Variants in PROM2 observed in about 807,000 individuals in gnomAD.
PROM2 encodes prominin-2.
Under a neutral mutation model 110.2 loss-of-function variants are expected in PROM2, and 90 were observed. The observed-to-expected ratio is 0.82, with a 90% confidence interval of 0.69 to 0.97. The LOEUF is 0.97. Ranked by LOEUF, PROM2 falls within the 50% of genes least tolerant of loss-of-function variation. The pLI is 0.00. For synonymous variants in PROM2, 470 were observed against 467.8 expected (o/e 1.00, Z -0.06); for missense variants, 1,009 against 1,074.8 (o/e 0.94, Z 0.86).
chr2:95,279,301 ATTT>A (rs1171088514), intron 10 of PROM2, among the ~76,000 whole-genome samples, 157 bp downstream of exon 10: 1 of 135,802 alleles, frequency 7.4e-6, no homozygotes. Flanking sequence ...TGTTTTTTTC[ATTT>A]TTTTTTTTTT....
chr2:95,287,146 A>T lies in PROM2; in HGVS notation c.2108A>T (p.Asp703Val). The change falls in exon 19 of 24, where the codon GAT becomes GTT. Residue 703 changes from aspartate (D) to valine (V), a missense_variant. Transcript: ENST00000317620. Reference protein sequence around the residue: ...SAPNLQLETSDVLANVTYLKG... With the variant: ...SAPNLQLETSVVLANVTYLKG... ...CGTCCCCTCCAGCTGGAGACCTCAG[A>T]TGTCCTAGCCAATGTCACCTACCTG... 1.2e-6 allele frequency: 2 copies of T among 1,613,932 alleles called. No homozygotes were observed. The highest frequency in any genetic ancestry group is 1.7e-6 in the Non-Finnish European group (2 of 1,179,974).
Position 95,282,139 on chromosome 2 carries a change from C to G in PROM2, c.1644-3C>G. ...ATCGTCTGCACCCCTCACTCCTCCT[C>G]AGGCAGTGCAAGGAAGGGGCAGCGC... On this transcript the variant is annotated splice_polypyrimidine_tract_variant and splice_region_variant and intron_variant, in intron 13 of 23. Coordinates refer to ENST00000317620, the MANE Select transcript of PROM2 (RefSeq NM_001165978.3). 1 of 1,613,758 alleles carries G rather than the reference C, an allele frequency of 6.2e-7. No individual in the cohort carries two copies. The highest frequency in any genetic ancestry group is 2.2e-5 in the East Asian group (1 of 44,858).
chr2:95,277,886 G>A (rs1472167579), intron 7 of PROM2, 44 bp from the exon 8 acceptor site: 1 of 1,548,864 alleles, frequency 6.5e-7, no homozygotes, highest in East Asian at 2.3e-5. Context: ...TCCCCTTCAG[G>A]CCTCTCCATG....
intron 13 of PROM2, 35 bp downstream of exon 13, chr2:95,282,051 G>A (rs146005634): frequency 6.2e-7 from 1 of 1,611,856 alleles, no homozygotes; most frequent in African/African-American, 1.3e-5. Context: ...TGGGACCGGG[G>A]AAGGAAGGAG....
intron 6 of PROM2, 49 bp downstream of exon 6, chr2:95,277,110 C>T (rs986168782): frequency 3.4e-6 from 5 of 1,491,068 alleles, no homozygotes; most frequent in Non-Finnish European, 4.5e-6. Flanking sequence ...CGGGTGTCCT[C>T]CTGGGGCGAT....
rs1453688923 is a variant in PROM2 at position 95,284,864 on chromosome 2, A to C, written c.1729-105A>C. ...TGCAACATGAAATTTGGAGGGGACAAATATCCAAACCATATCGCCTGGTGA... is the reference window on the plus strand; with the variant it reads ...TGCAACATGAAATTTGGAGGGGACACATATCCAAACCATATCGCCTGGTGA... On this transcript the variant is annotated intron_variant, in intron 14 of 23. Transcript: ENST00000317620. 27 of 1,294,128 alleles carry C rather than the reference A, an allele frequency of 2.1e-5. No homozygotes were observed. The South Asian group carries it at 3.7e-4, about 18-fold the overall frequency. 80.2% of individuals were successfully genotyped at this position (1,294,128 alleles called of 1,614,324 possible).
chr2:95,281,182 G>T, intron 11 of PROM2, 60 bp from the exon 12 acceptor site: 1 of 1,587,748 alleles, frequency 6.3e-7, no homozygotes, highest in Non-Finnish European at 8.5e-7. Flanking sequence ...GTGGGACAGA[G>T]GGTATGGTCA....
At chr2:95,278,906 T>A in intron 9 of PROM2, 79 bp from the exon 10 acceptor site, 2 of 1,602,396 alleles carry the variant, frequency 1.2e-6, no homozygotes, top group Non-Finnish European at 8.5e-7. Context: ...GGTTCCCAGA[T>A]GTTCTTCCTG....
intron 17 of PROM2, 81 bp from the exon 18 acceptor site, chr2:95,286,723 C>T (rs892112936): frequency 8.9e-6 from 8 of 893,862 alleles, no homozygotes; most frequent in Non-Finnish European, 1.4e-5. Context: ...CCCCTCCCCT[C>T]CACTCCCCTC....
Position 95,275,354 on chromosome 2 carries a change from GC to G in PROM2, c.245-106del, listed in dbSNP as rs1676584229. 9.5e-7 allele frequency: 1 copy of G among 1,055,684 alleles called. No homozygotes were observed. The highest frequency in any genetic ancestry group is 2.4e-5 in the East Asian group (1 of 40,880). The allele number at this position is 1,055,684 out of a possible 1,614,324, so 65.4% of individuals were successfully genotyped here. A position where few individuals can be genotyped will look rare whatever the true frequency, so the allele number is the denominator to read the frequency against. ...CTTCTGCGAGGGTGCCATGGTGGTG[GC>G]AGGAGCCCTGCCTCAGAGCCACTTT... is the stretch of plus-strand genomic sequence containing the variant. On this transcript the variant is annotated intron_variant, in intron 1 of 23. Transcript: ENST00000317620. The surrounding 1 kb of genome is among the most constrained non-coding windows in gnomAD (Gnocchi z 4.4).
Position 95,286,658 on chromosome 2 carries a change from T to A in PROM2, c.2040+87T>A, listed in dbSNP as rs572924109. ...TGAAAGGGGAGGGAAGTTCTGAGAG[T>A]CCCTTCCCTCCCCTCCTCTCCCCTC... On this transcript the variant is annotated intron_variant, in intron 17 of 23. Coordinates refer to ENST00000317620, the MANE Select transcript of PROM2 (RefSeq NM_001165978.3). 18 of 1,104,512 alleles carry A rather than the reference T, an allele frequency of 1.6e-5. No individual in the cohort carries two copies. In the East Asian group the frequency reaches 4.0e-4, roughly 25 times the overall value. The allele number at this position is 1,104,512 out of a possible 1,614,324, so 68.4% of individuals were successfully genotyped here. A position where few individuals can be genotyped will look rare whatever the true frequency, so the allele number is the denominator to read the frequency against.
chr2:95,276,362 C>A lies in PROM2; in HGVS notation c.618+15C>A, dbSNP rs1203207986. The A allele has an allele frequency of 6.2e-7, 1 of 1,611,960 alleles. No homozygotes were observed. The highest frequency in any genetic ancestry group is 1.3e-5 in the African/African-American group (1 of 75,040). ...ATGTCCCCCAAGTGAGCACTGTTAC[C>A]CCTCACCCTCATGTGCCCCTGTGAG... On this transcript the variant is annotated intron_variant, in intron 4 of 23. Coordinates refer to ENST00000317620, the MANE Select transcript of PROM2 (RefSeq NM_001165978.3). The surrounding 1 kb of genome is among the most constrained non-coding windows in gnomAD (Gnocchi z 4.6).
At chr2:95,283,379 C>G (rs1294605052) in intron 14 of PROM2, among the ~76,000 whole-genome samples, 3 of 152,232 alleles carry the variant, frequency 2.0e-5, no homozygotes, top group African/African-American at 7.2e-5. Flanking sequence ...TGACAATGTA[C>G]CAAATGTGGC....
At position 95,274,855 on chromosome 2, in the gene PROM2, G is replaced by T. The variant is rs746677602; in HGVS notation, c.244+26G>T. On this transcript the variant is annotated intron_variant, in intron 1 of 23. Transcript: ENST00000317620. ...GTGAGTGTGCCCCTCCCCCATGAGG[G>T]CCTCAGCATTTGGGTCCCCAGCCCG... 2.0e-6 allele frequency: 3 copies of T among 1,510,666 alleles called. No homozygotes were observed. The South Asian group carries it at 3.8e-5, about 19-fold the overall frequency. 93.6% of individuals were successfully genotyped at this position (1,510,666 alleles called of 1,614,324 possible).
At chr2:95,286,323 C>T (rs1447159995) in intron 16 of PROM2, among the ~76,000 whole-genome samples, 156 bp from the exon 17 acceptor site, 8 of 152,104 alleles carry the variant, frequency 5.3e-5, no homozygotes, top group Non-Finnish European at 7.4e-5. Context: ...GATCTAGGCC[C>T]CCCAAACCAA....
Position 95,287,480 on chromosome 2 carries a change from G to A in PROM2, c.2244+16G>A. The stretch of plus-strand genomic sequence containing the variant: ...GAGAGAGGAGGTGAGTGGGGCCTCA[G>A]AAGCAATGACTGATTCCCTGCTCCA... On this transcript the variant is annotated intron_variant, in intron 20 of 23. Coordinates refer to ENST00000317620, the MANE Select transcript of PROM2 (RefSeq NM_001165978.3). 1 of 1,612,382 alleles carries A rather than the reference G, an allele frequency of 6.2e-7. No homozygotes were observed. Among genetic ancestry groups the A allele is most frequent in the Non-Finnish European group, 8.5e-7 (1 of 1,178,772 alleles).
chr2:95,288,372 T>C, intron 21 of PROM2, 72 bp downstream of exon 21: 2 of 1,588,872 alleles, frequency 1.3e-6, no homozygotes. Context: ...GAGGGCCGGG[T>C]GAGCAGGGTG....
chr2:95,277,606 G>T (rs1676753659), intron 7 of PROM2, 40 bp downstream of exon 7: 8 of 1,489,636 alleles, frequency 5.4e-6, no homozygotes, highest in Non-Finnish European at 5.4e-6. Flanking sequence ...GCCACGGAGG[G>T]CTAGCTGCCT....
At position 95,279,994 on chromosome 2, in the gene PROM2, T is replaced by C; in HGVS notation, c.1424T>C (p.Met475Thr). The C allele has an allele frequency of 6.9e-7, 1 of 1,451,594 alleles. No homozygotes were observed. Among genetic ancestry groups the C allele is most frequent in the Non-Finnish European group, 9.1e-7 (1 of 1,097,618 alleles). 89.9% of individuals were successfully genotyped at this position (1,451,594 alleles called of 1,614,324 possible). The stretch of plus-strand genomic sequence containing the variant: ...GGCGAGGCTGGAGCCCGCTTCCTCA[T>C]GGCGTAAGAAAGGGCTGGGAGAGGG... Reference protein sequence around the residue: ...AKGEAGARFLMAGVGLSFLFA... With the variant: ...AKGEAGARFLTAGVGLSFLFA... Residue 475 changes from methionine (M) to threonine (T), a missense_variant, in exon 11 of 24, where the codon ATG becomes ACG. Transcript: ENST00000317620.
Sources: allele counts gnomAD v4.1 joint callset (sites outside exome capture counted in the v4.1 genomes callset), GRCh38; gene constraint gnomAD v4.1.1; non-coding constraint Gnocchi (gnomAD v3.1); transcripts MANE v1.5; gene names NCBI Gene and HGNC (gene_info 2026-07-23, HGNC 2026-07-21).